KIF13A: variants seen among roughly 807,000 people sequenced by gnomAD.
The protein encoded by KIF13A is kinesin-like protein KIF13A.
In KIF13A, 79 loss-of-function variants were observed where a neutral mutation model predicts 212.2. The ratio of observed to expected loss-of-function variants is 0.37; its 90% CI spans 0.31 to 0.45. The LOEUF is 0.45. Among genes scored for constraint, KIF13A ranks in the 20% least tolerant of loss-of-function variants. The probability of loss-of-function intolerance (pLI) is 1.00; values close to 1 mark genes in which losing one functional copy is unlikely to be tolerated. For synonymous variants in KIF13A, 789 were observed against 808.6 expected, an observed-to-expected ratio of 0.98 and a Z score of 0.41; for missense variants, 1,901 against 2,209.0, an observed-to-expected ratio of 0.86 and a Z score of 2.79.
Position 17,871,707 on chromosome 6 carries a change from T to C in KIF13A, c.220+1670A>G, listed in dbSNP as rs76773282. Among the ~76,000 whole-genome samples, 394 of 152,224 alleles carry C rather than the reference T, an allele frequency of 2.6e-3. 2 individuals carry two copies. The highest frequency in any genetic ancestry group is 4.8e-3 in the Admixed American group (74 of 15,288). On this transcript the variant is annotated intron_variant, in intron 4 of 38. Coordinates refer to ENST00000259711, the MANE Select transcript of KIF13A (RefSeq NM_022113.6). This position sits in a 1 kb window ranked among gnomAD's most constrained non-coding sequence, Gnocchi z 4.4. ...GGGTTATATAATAAAGGACCTCAAA[T>C]GTAGTCCAAAGAGTATAGATTTTTT...
In KIF13A at chr6:17,934,114, TGAAAA is replaced by T. The variant is rs1211129528; in HGVS notation, c.147-35939_147-35935del. Among the ~76,000 whole-genome samples the T allele has an allele frequency of 2.0e-5, 3 of 152,156 alleles. No homozygotes were observed. Among genetic ancestry groups the T allele is most frequent in the Admixed American group, 6.5e-5 (1 of 15,274 alleles). ...AATGCGAAAAAGTAAACATTTAAGT[TGAAAA>T]GAATAAAAAGACAAGCATTTTCATA... On this transcript the variant is annotated intron_variant, in intron 2 of 38. Transcript: ENST00000259711. The surrounding 1 kb of genome is among the most constrained non-coding windows in gnomAD (Gnocchi z 5.4).
At chr6:17,970,434 C>T (rs1011765763) in intron 2 of KIF13A, among the ~76,000 whole-genome samples, 1 of 151,992 alleles carries the variant, frequency 6.6e-6, no homozygotes, top group African/African-American at 2.4e-5. Context: ...GAAACCCTGT[C>T]TCTACTAAAA....
chr6:17,768,421 A>G lies in KIF13A; in HGVS notation c.4581+2693T>C, dbSNP rs1380041211. Among the ~76,000 whole-genome samples, 1 of 152,216 alleles carries G rather than the reference A, an allele frequency of 6.6e-6. No individual in the cohort carries two copies. The highest frequency in any genetic ancestry group is 1.5e-5 in the Non-Finnish European group (1 of 68,040). On this transcript the variant is annotated intron_variant, in intron 38 of 38. Coordinates refer to ENST00000259711, the MANE Select transcript of KIF13A (RefSeq NM_022113.6). This position sits in a 1 kb window ranked among gnomAD's most constrained non-coding sequence, Gnocchi z 5.4. ...CCACATTAAAGCAGTGACTCTTTGT[A>G]AGGAGTTTCCTTCATTAATGCAATT... is the stretch of plus-strand genomic sequence containing the variant.
chr6:17,795,465 C>T (rs1761950411), intron 23 of KIF13A, among the ~76,000 whole-genome samples: 1 of 151,346 alleles, frequency 6.6e-6, no homozygotes, highest in Non-Finnish European at 1.5e-5. Context: ...CATGGCAGCA[C>T]ACGCCTGTAA....
At chr6:17,796,620 C>G (rs2150327166) in intron 23 of KIF13A, 49 bp downstream of exon 23, 1 of 1,266,930 alleles carries the variant, frequency 7.9e-7, no homozygotes, top group Middle Eastern at 2.1e-4. Flanking sequence ...AGACTCTGCT[C>G]AAGTCCTAGT....
chr6:17,910,360 TG>T (rs1418770895), intron 2 of KIF13A, among the ~76,000 whole-genome samples: 3 of 152,238 alleles, frequency 2.0e-5, no homozygotes, highest in African/African-American at 7.2e-5. Context: ...AGCAAACACA[TG>T]GTCTATATGT....
At chr6:17,875,945 A>G (rs1027402303) in intron 3 of KIF13A, among the ~76,000 whole-genome samples, 1 of 152,190 alleles carries the variant, frequency 6.6e-6, no homozygotes, top group Non-Finnish European at 1.5e-5. Flanking sequence ...GAAATTCTCA[A>G]TATTAAAGGC....
Position 17,837,646 on chromosome 6 carries a change from G to T in KIF13A, c.831-63C>A. The T allele has an allele frequency of 1.8e-6, 2 of 1,132,184 alleles. No individual in the cohort carries two copies. Among genetic ancestry groups the T allele is most frequent in the Non-Finnish European group, 2.6e-6 (2 of 768,644 alleles). The allele number at this position is 1,132,184 out of a possible 1,614,324, so 70.1% of individuals were successfully genotyped here. On this transcript the variant is annotated intron_variant, in intron 9 of 38. Coordinates refer to ENST00000259711, the MANE Select transcript of KIF13A (RefSeq NM_022113.6). The surrounding 1 kb of genome is among the most constrained non-coding windows in gnomAD (Gnocchi z 5.4). ...TTTATTTGGTTTAAGTATAAAATAT[G>T]CAGAACAATAAAGCTCCACAGTTAA...
In KIF13A at chr6:17,934,480, A is replaced by G. The variant is rs1007078523; in HGVS notation, c.147-36300T>C. Among the ~76,000 whole-genome samples the G allele has an allele frequency of 2.6e-5, 4 of 152,144 alleles. No homozygotes were observed. The highest frequency in any genetic ancestry group is 4.4e-5 in the Non-Finnish European group (3 of 68,044). On this transcript the variant is annotated intron_variant, in intron 2 of 38. Transcript: ENST00000259711. This position sits in a 1 kb window ranked among gnomAD's most constrained non-coding sequence, Gnocchi z 5.4. ...AAATCATAAATACAGAATCCCCAAT[A>G]ATATCATAATAAAAAGACGCCGAAG... is the stretch of plus-strand genomic sequence containing the variant.
chr6:17,866,803 T>C (rs1157934563), intron 4 of KIF13A, among the ~76,000 whole-genome samples: 1 of 131,842 alleles, frequency 7.6e-6, no homozygotes, highest in African/African-American at 3.0e-5. Context: ...AATAGGTGAG[T>C]AAAGGGGAGA....
intron 9 of KIF13A, among the ~76,000 whole-genome samples, chr6:17,841,095 TC>T (rs56266097): frequency 0.28 from 41,046 of 144,382 alleles, 6,118 homozygotes; most frequent in South Asian, 0.36. Context: ...TTTTTTTTTT[TC>T]CAAAGACAGG....
intron 6 of KIF13A, among the ~76,000 whole-genome samples, chr6:17,854,621 T>C (rs2150404987): frequency 7.3e-6 from 1 of 136,316 alleles, no homozygotes. Flanking sequence ...AGTGGCGTGA[T>C]CTCAACTCAC....
At chr6:17,957,128 C>T (rs1040648443) in intron 2 of KIF13A, among the ~76,000 whole-genome samples, 9 of 152,130 alleles carry the variant, frequency 5.9e-5, no homozygotes, top group Non-Finnish European at 1.3e-4. Context: ...GTGATCTGCC[C>T]GCCTTGGCCT....
At position 17,828,510 on chromosome 6, in the gene KIF13A, A is replaced by G; in HGVS notation, c.1402-140T>C. ...CCTGCCAGAGATGTTAAATATCTTA[A>G]GCATTAAAAGTAAAACGCTTACCCT... On this transcript the variant is annotated intron_variant, in intron 13 of 38. Coordinates refer to ENST00000259711, the MANE Select transcript of KIF13A (RefSeq NM_022113.6). The surrounding 1 kb of genome is among the most constrained non-coding windows in gnomAD (Gnocchi z 4.3). 1.5e-6 allele frequency: 1 copy of G among 668,294 alleles called. No homozygotes were observed. The highest frequency in any genetic ancestry group is 2.4e-6 in the Non-Finnish European group (1 of 423,174). 41.4% of individuals were successfully genotyped at this position (668,294 alleles called of 1,614,324 possible).
At chr6:17,890,790 C>A (rs891556535) in intron 3 of KIF13A, among the ~76,000 whole-genome samples, 2 of 139,136 alleles carry the variant, frequency 1.4e-5, no homozygotes, top group African/African-American at 5.4e-5. Context: ...CTATGCCCAG[C>A]TAATAATAAT....
chr6:17,760,588 ACT>A (rs1758541219), downstream of KIF13A: 1 of 558,214 alleles, frequency 1.8e-6, no homozygotes, highest in African/African-American at 1.9e-5. Flanking sequence ...AAAAAAAAAT[ACT>A]GTCACTTAGT....
At position 17,871,533 on chromosome 6, in the gene KIF13A, TG is replaced by T. The variant is rs369434207; in HGVS notation, c.220+1843del. On this transcript the variant is annotated intron_variant, in intron 4 of 38. Coordinates refer to ENST00000259711, the MANE Select transcript of KIF13A (RefSeq NM_022113.6). The surrounding 1 kb of genome is among the most constrained non-coding windows in gnomAD (Gnocchi z 4.4). ...CATGGGCTGCACACACACAGTGGGT[TG>T]GGGGGGGAGTCATGAATACTTAAAA... 1.3e-4 allele frequency among the ~76,000 whole-genome samples: 19 copies of T among 151,860 alleles called. No homozygotes were observed. The highest frequency in any genetic ancestry group is 3.4e-4 in the African/African-American group (14 of 41,334).
At position 17,918,331 on chromosome 6, in the gene KIF13A, A is replaced by G. The variant is rs1195356808; in HGVS notation, c.147-20151T>C. ...AATAGTCTCAGAACTGTAGACCAAA[A>G]GAATGTAAATGTCCCACACTGCCAT... On this transcript the variant is annotated intron_variant, in intron 2 of 38. Coordinates refer to ENST00000259711, the MANE Select transcript of KIF13A (RefSeq NM_022113.6). This position sits in a 1 kb window ranked among gnomAD's most constrained non-coding sequence, Gnocchi z 4.8. 6.6e-6 allele frequency among the ~76,000 whole-genome samples: 1 copy of G among 152,352 alleles called. No homozygotes were observed. Among genetic ancestry groups the G allele is most frequent in the East Asian group, 1.9e-4 (1 of 5,180 alleles).
chr6:17,973,129 T>C (rs1204400263), intron 2 of KIF13A, among the ~76,000 whole-genome samples: 3 of 152,184 alleles, frequency 2.0e-5, no homozygotes, highest in Non-Finnish European at 2.9e-5. Flanking sequence ...CAAAACACGA[T>C]GCCCAAGGAA....
Sources: gnomAD v4.1 joint callset for allele counts (sites outside exome capture counted in the v4.1 genomes callset) on GRCh38, gnomAD v4.1.1 for gene constraint, Gnocchi (gnomAD v3.1) non-coding constraint, MANE v1.5 for transcripts, NCBI Gene and HGNC (gene_info 2026-07-23, HGNC 2026-07-21) for gene names.